Variants in RTTN observed in about 807,000 individuals in gnomAD.
The protein encoded by RTTN is rotatin.
Under a neutral mutation model 269.2 loss-of-function variants are expected in RTTN, and 182 were observed. The observed-to-expected ratio is 0.68, with a 90% CI of 0.60 to 0.76. The LOEUF (loss-of-function observed/expected upper bound fraction) is 0.76. Among genes scored for constraint, RTTN ranks in the 30% least tolerant of loss-of-function variants. The pLI is 0.00. For missense variants in RTTN, 2,545 were observed against 2,608.6 expected, an observed-to-expected ratio of 0.98 and a Z score of 0.53; for synonymous variants, 1,006 against 963.5, an observed-to-expected ratio of 1.04 and a Z score of -0.82.
chr18:70,031,202 G>T, intron 40 of RTTN: 1 of 537,548 alleles, frequency 1.9e-6, no homozygotes, highest in South Asian at 3.0e-5. Context: ...CATTCTTAAA[G>T]ACTCATCATC....
At chr18:70,142,586 T>C (rs955513457) in intron 18 of RTTN, among the ~76,000 whole-genome samples, 199 bp from the exon 19 acceptor site, 4 of 152,250 alleles carry the variant, frequency 2.6e-5, no homozygotes, top group African/African-American at 9.6e-5. Context: ...ATTGCCACAC[T>C]GCTTTTCACA....
At chr18:70,145,527 AC>A (rs1240943049) in intron 18 of RTTN, 84 bp downstream of exon 18, 1 of 1,074,740 alleles carries the variant, frequency 9.3e-7, no homozygotes, top group East Asian at 2.6e-5. Context: ...CAGGACATAC[AC>A]AAACTGAAGA....
intron 24 of RTTN, 39 bp from the exon 25 acceptor site, chr18:70,127,780 C>T (rs1021398121): frequency 3.2e-6 from 5 of 1,539,070 alleles, no homozygotes; most frequent in South Asian, 2.3e-5. Context: ...GAACATAAAG[C>T]TATTTAAATA....
At chr18:70,107,676 G>A (rs1271333433) in intron 28 of RTTN, among the ~76,000 whole-genome samples, 4 of 152,142 alleles carry the variant, frequency 2.6e-5, no homozygotes, top group African/African-American at 4.8e-5. Context: ...AGTAGAAGGA[G>A]ATAATAAATA....
intron 34 of RTTN, among the ~76,000 whole-genome samples, chr18:70,073,558 G>C (rs2058351578): frequency 6.6e-6 from 1 of 152,098 alleles, no homozygotes; most frequent in African/African-American, 2.4e-5. Context: ...ATCAAAAAAG[G>C]TAGGAAAGAG....
At chr18:70,069,401 GA>G (rs1376265061) in intron 34 of RTTN, among the ~76,000 whole-genome samples, 1 of 152,018 alleles carries the variant, frequency 6.6e-6, no homozygotes, top group African/African-American at 2.4e-5. Flanking sequence ...TATAAAAACT[GA>G]AAAAAATTGT....
chr18:70,066,541 G>T (rs899293746), intron 34 of RTTN, among the ~76,000 whole-genome samples: 1 of 152,110 alleles, frequency 6.6e-6, no homozygotes, highest in East Asian at 1.9e-4. Context: ...AAAGTGATGT[G>T]TTTGCGCTAA....
intron 3 of RTTN, among the ~76,000 whole-genome samples, chr18:70,203,727 T>C (rs2062010456): frequency 6.6e-6 from 1 of 152,246 alleles, no homozygotes; most frequent in African/African-American, 2.4e-5. Flanking sequence ...GATATCATTA[T>C]ACTCCAATAT....
chr18:70,052,082 C>T (rs2057686997), intron 38 of RTTN, among the ~76,000 whole-genome samples: 2 of 152,186 alleles, frequency 1.3e-5, no homozygotes, highest in African/African-American at 4.8e-5. Context: ...GCAGCTTTTC[C>T]TATGGCTAAG....
chr18:70,177,959 G>T (rs9963873), intron 10 of RTTN, among the ~76,000 whole-genome samples: 122,006 of 152,166 alleles, frequency 0.8, 52,773 homozygotes, highest in East Asian at 1. Flanking sequence ...TGAAAGCAGG[G>T]TCTCCAAAAG....
chr18:70,073,878 AAAGG>A, intron 34 of RTTN, 24 bp downstream of exon 34: 1 of 1,535,148 alleles, frequency 6.5e-7, no homozygotes, highest in Non-Finnish European at 9.0e-7. Context: ...GATTCAAAAT[AAAGG>A]ACTTATGCAT....
chr18:70,174,468 C>T (rs535206579), intron 11 of RTTN, among the ~76,000 whole-genome samples: 3 of 152,048 alleles, frequency 2.0e-5, no homozygotes, highest in South Asian at 2.1e-4. Context: ...AAGCATTCAG[C>T]CTTTGAACTA....
At chr18:70,130,309 C>T (rs1239181595) in intron 23 of RTTN, 2 of 151,862 alleles carry the variant, frequency 1.3e-5, no homozygotes, top group African/African-American at 4.8e-5. Flanking sequence ...ATTGGTATGT[C>T]AAAGAGATAT....
At chr18:70,205,096 T>C in intron 2 of RTTN, 32 bp downstream of exon 2, 1 of 1,588,050 alleles carries the variant, frequency 6.3e-7, no homozygotes, top group Non-Finnish European at 8.6e-7. Flanking sequence ...GTCACTCGTC[T>C]GATTATTTTC....
intron 32 of RTTN, among the ~76,000 whole-genome samples, chr18:70,080,013 A>G (rs1256362266): frequency 6.6e-6 from 1 of 152,096 alleles, no homozygotes; most frequent in Non-Finnish European, 1.5e-5. Flanking sequence ...CCCTAAATAC[A>G]TTAGAAATCC....
Position 70,146,625 on chromosome 18 carries a change from C to T in RTTN, c.2310-842G>A, listed in dbSNP as rs138309991. On this transcript the variant is annotated intron_variant, in intron 17 of 48. Transcript: ENST00000640769. ...GAGCAGGTTGCCTTCTGTATGCAGG[C>T]CTGCCACCTTGAGCCCCTGTATCAT... 1.4e-3 allele frequency among the ~76,000 whole-genome samples: 206 copies of T among 152,292 alleles called. 1 individual carries two copies. The highest frequency in any genetic ancestry group is 4.6e-3 in the African/African-American group (192 of 41,570).
chr18:70,082,791 A>G (rs552947013), intron 32 of RTTN, among the ~76,000 whole-genome samples: 6 of 152,312 alleles, frequency 3.9e-5, no homozygotes, highest in African/African-American at 1.2e-4. Context: ...CCTGGGCTCA[A>G]GCAATCCTCC....
intron 25 of RTTN, among the ~76,000 whole-genome samples, chr18:70,122,715 T>G (rs1244332174): frequency 6.6e-6 from 1 of 152,166 alleles, no homozygotes; most frequent in African/African-American, 2.4e-5. Context: ...GGTGTTTGTC[T>G]CATTATTATT....
At chr18:70,100,626 G>A (rs1599543099) in intron 28 of RTTN, among the ~76,000 whole-genome samples, 1 of 152,166 alleles carries the variant, frequency 6.6e-6, no homozygotes, top group Admixed American at 6.5e-5. Context: ...GAATAGGAGT[G>A]GTGAGAGAGG....
Sources: gnomAD v4.1 joint callset for allele counts (sites outside exome capture counted in the v4.1 genomes callset) on GRCh38, gnomAD v4.1.1 for gene constraint, MANE v1.5 for transcripts, NCBI Gene and HGNC (gene_info 2026-07-23, HGNC 2026-07-21) for gene names.